The following SYCP2 variants were observed in gnomAD, a reference collection of about 807,000 sequenced individuals.
The protein encoded by SYCP2 is synaptonemal complex lateral element protein.
In SYCP2, 55 loss-of-function variants were observed where a neutral mutation model predicts 211.3. The observed-to-expected ratio is 0.26, with a 90% CI of 0.21 to 0.33. The LOEUF (loss-of-function observed/expected upper bound fraction) is 0.33, where lower values mean the gene tolerates loss of function less well. Among genes scored for constraint, SYCP2 ranks in the 10% least tolerant of loss-of-function variants. SYCP2 has a pLI of 1.00. For missense variants in SYCP2, 1,731 were observed against 1,752.0 expected (o/e 0.99, Z 0.21); for synonymous variants, 570 against 555.2 (o/e 1.03, Z -0.37).
intron 30 of SYCP2, 96 bp from the exon 31 acceptor site, chr20:59,880,567 A>C: frequency 1.4e-6 from 1 of 692,258 alleles, no homozygotes. Flanking sequence ...ACAAAAAAAA[A>C]CAAAACCCAA....
intron 44 of SYCP2, among the ~76,000 whole-genome samples, chr20:59,865,014 A>T (rs2059301103): frequency 1.3e-5 from 2 of 152,002 alleles, no homozygotes; most frequent in Non-Finnish European, 2.9e-5. Flanking sequence ...CCAAACAGAC[A>T]GTAATTCTTC....
chr20:59,907,212 G>A, intron 15 of SYCP2, 152 bp downstream of exon 15: 1 of 595,324 alleles, frequency 1.7e-6, no homozygotes, highest in Non-Finnish European at 3.0e-6. Context: ...AGGGAAACAT[G>A]GGATCAAGGT....
chr20:59,910,374 A>ATTATTTTT (rs2060294496), intron 14 of SYCP2, among the ~76,000 whole-genome samples: 1 of 76,262 alleles, frequency 1.3e-5, no homozygotes, highest in African/African-American at 5.9e-5. Context: ...GTAATTGCTT[A>ATTATTTTT]TTTTTTTTTT....
chr20:59,872,215 T>A (rs1484063284), intron 35 of SYCP2, among the ~76,000 whole-genome samples: 1 of 152,050 alleles, frequency 6.6e-6, no homozygotes, highest in Admixed American at 6.6e-5. Flanking sequence ...AAATATTAAA[T>A]GGAACATTCC....
At chr20:59,922,915 GGAGT>G (rs1369602079) in intron 2 of SYCP2, among the ~76,000 whole-genome samples, 1 of 151,876 alleles carries the variant, frequency 6.6e-6, no homozygotes, top group African/African-American at 2.4e-5. Flanking sequence ...TGCAAGGAAA[GGAGT>G]GAGGAAAAGA....
rs770960462 is a variant in SYCP2, at chr20:59,914,144, C to A, written c.742G>T (p.Ala248Ser). The change falls in exon 11 of 45, where the codon GCA becomes TCA. Residue 248 changes from alanine to serine, a missense_variant. By Grantham distance (99) the Ala-to-Ser change is moderately conservative (BLOSUM62 1). Around this residue, in one of 3 missense-constraint regions of SYCP2, gnomAD observed 335 missense variants for 378.8 expected, o/e 0.88. Coordinates refer to ENST00000357552, the MANE Select transcript of SYCP2 (RefSeq NM_014258.4). The part of the protein sequence containing the change: ...QWFSMDFIAK[A>S]FKRIKDSEFE... Reference sequence around the variant, plus strand: ...TCAGAGTCCTTAATTCTTTTAAATGCCTTAGCAATAAAATCCATTGAAAAC... The same window carrying A: ...TCAGAGTCCTTAATTCTTTTAAATGACTTAGCAATAAAATCCATTGAAAAC... 1.2e-6 allele frequency: 2 copies of A among 1,604,450 alleles called. No homozygotes were observed. The highest frequency in any genetic ancestry group is 2.7e-5 in the African/African-American group (2 of 74,692).
chr20:59,930,977 G>A (rs1268171516), intron 2 of SYCP2, among the ~76,000 whole-genome samples: 1 of 152,036 alleles, frequency 6.6e-6, no homozygotes, highest in Admixed American at 6.6e-5. Context: ...ATTATAACAT[G>A]ATTTTTAAAA....
intron 2 of SYCP2, among the ~76,000 whole-genome samples, chr20:59,931,650 C>T (rs2060743651): frequency 6.6e-6 from 1 of 152,130 alleles, no homozygotes; most frequent in African/African-American, 2.4e-5. Flanking sequence ...ACAAAATGCC[C>T]TGAGACATTA....
chr20:59,881,969 A>G lies in SYCP2; in HGVS notation c.2634T>C (p.Ala878=). Residue 878 remains alanine (A), a synonymous_variant, in exon 28 of 45, where the codon GCT becomes GCC. Transcript: ENST00000357552. ...NDVYNFNLNG[A]DDPIIKLGIQ... The stretch of plus-strand genomic sequence containing the variant: ...CTCCAAGTTTTATGATAGGGTCATC[A>G]GCTCCATTCAAATTAAAATTGTAAA... 1 of 1,612,920 alleles carries G rather than the reference A, an allele frequency of 6.2e-7. No individual in the cohort carries two copies. The highest frequency in any genetic ancestry group is 8.5e-7 in the Non-Finnish European group (1 of 1,179,372).
At chr20:59,922,547 T>G (rs906956229) in intron 2 of SYCP2, 88 bp from the exon 3 acceptor site, 11 of 560,678 alleles carry the variant, frequency 2.0e-5, no homozygotes, top group Non-Finnish European at 3.2e-5. Flanking sequence ...AAATATGCAT[T>G]TGTTATTTAT....
intron 2 of SYCP2, among the ~76,000 whole-genome samples, chr20:59,931,066 A>G (rs1323066990): frequency 6.6e-6 from 1 of 152,244 alleles, no homozygotes; most frequent in East Asian, 1.9e-4. Flanking sequence ...GTCCATCATC[A>G]GATATCCATA....
chr20:59,879,776 C>T (rs370180570), intron 31 of SYCP2, among the ~76,000 whole-genome samples: 9 of 138,716 alleles, frequency 6.5e-5, no homozygotes, highest in Non-Finnish European at 1.4e-4. Flanking sequence ...AAAAAGGATG[C>T]GTGTTGGGTG....
At position 59,906,942 on chromosome 20, in the gene SYCP2, T is replaced by C. The variant is rs144384429; in HGVS notation, c.1033+422A>G. 6.3e-4 allele frequency among the ~76,000 whole-genome samples: 96 copies of C among 152,160 alleles called. 2 individuals carry two copies. Among genetic ancestry groups the C allele is most frequent in the Non-Finnish European group, 1.2e-3 (79 of 67,930 alleles). On this transcript the variant is annotated intron_variant, in intron 15 of 44. Coordinates refer to ENST00000357552, the MANE Select transcript of SYCP2 (RefSeq NM_014258.4). ...ATTGGAAAAATGCAAATAAAAAACA[T>C]GAGATATTATTACATGTCTATTGAA...
chr20:59,894,262 A>G (rs1715086017), intron 20 of SYCP2, among the ~76,000 whole-genome samples: 1 of 151,978 alleles, frequency 6.6e-6, no homozygotes, highest in South Asian at 2.1e-4. Context: ...CATTATGGAA[A>G]TATGCAGGTG....
Position 59,864,246 on chromosome 20 carries a change from T to C in SYCP2, c.*65A>G, listed in dbSNP as rs373941256. 151 of 1,160,626 alleles carry C rather than the reference T, an allele frequency of 1.3e-4. No individual in the cohort carries two copies. In the East Asian group the frequency reaches 1.4e-3, roughly 11 times the overall value. The allele number at this position is 1,160,626 out of a possible 1,614,324, so 71.9% of individuals were successfully genotyped here. A position where few individuals can be genotyped will look rare whatever the true frequency, so the allele number is the denominator to read the frequency against. ...TATATTTTTCTCTTTGTAGGACTAT[T>C]CTTATTTCCTCAGTTATATACAGAG... On this transcript the variant is annotated 3_prime_UTR_variant, in exon 45 of 45. Transcript: ENST00000357552.
Position 59,880,429 on chromosome 20 carries a change from C to T in SYCP2, c.2815G>A (p.Glu939Lys). The T allele has an allele frequency of 6.3e-7, 1 of 1,594,716 alleles. No homozygotes were observed. The highest frequency in any genetic ancestry group is 8.6e-7 in the Non-Finnish European group (1 of 1,168,368). Residue 939 changes from glutamate (E) to lysine (K), a missense_variant, in exon 31 of 45, where the codon GAA (glutamate) becomes AAA (lysine). Physicochemically the swap from Glu to Lys is moderately conservative, Grantham distance 56. Transcript: ENST00000357552. ...HQKKNLFSDT[E>K]TEYRCDDSKT... ...CTGTCATCACATCTGTACTCTGTTT[C>T]AGTATCACTAAACAGATTTTTCTTT... is the stretch of plus-strand genomic sequence containing the variant.
intron 24 of SYCP2, among the ~76,000 whole-genome samples, chr20:59,888,808 G>A (rs1035542197): frequency 1.5e-4 from 23 of 151,976 alleles, no homozygotes; most frequent in African/African-American, 5.6e-4. Context: ...CAAATTACAA[G>A]GTTAATATAC....
In SYCP2 at chr20:59,877,453, G is replaced by T. The variant is rs898094574; in HGVS notation, c.3082C>A (p.Leu1028Ile). 1 of 1,605,078 alleles carries T rather than the reference G, an allele frequency of 6.2e-7. No homozygotes were observed. The highest frequency in any genetic ancestry group is 1.3e-5 in the African/African-American group (1 of 74,212). ...TCACACTCTGATTCTGAATTTGAGAGATCTTTATAGTTTTTTTTTGTTTTG... is the reference window on the plus strand; with the variant it reads ...TCACACTCTGATTCTGAATTTGAGATATCTTTATAGTTTTTTTTTGTTTTG... Reference protein sequence around the residue: ...ATKTKKNYKDLSNSESECEQE... With the variant: ...ATKTKKNYKDISNSESECEQE... The change falls in exon 33 of 45, where the codon CTC becomes ATC. Residue 1028 changes from leucine (L) to isoleucine (I), a missense_variant. Leu to Ile is a conservative substitution (Grantham distance 5). Around this residue, in one of 3 missense-constraint regions of SYCP2, gnomAD observed 1,387 missense variants for 1,351.3 expected, o/e 1.03. Transcript: ENST00000357552.
rs75713670 is a variant in SYCP2, at chr20:59,932,717, G to A, written c.-139-563C>T. 9.5e-3 allele frequency among the ~76,000 whole-genome samples: 1,450 copies of A among 152,242 alleles called. 30 individuals are homozygous for A. The highest frequency in any genetic ancestry group is 0.062 in the East Asian group (318 of 5,134). Reference sequence around the variant, plus strand: ...AAAAAACCACGCTGCCGTATTCGCAGATGCTCGGCCAGCCTGGAGCCCGGT... The same window carrying A: ...AAAAAACCACGCTGCCGTATTCGCAAATGCTCGGCCAGCCTGGAGCCCGGT... On this transcript the variant is annotated intron_variant, in intron 1 of 44. Coordinates refer to ENST00000357552, the MANE Select transcript of SYCP2 (RefSeq NM_014258.4).
Sources: gnomAD v4.1 joint callset for allele counts (sites outside exome capture counted in the v4.1 genomes callset) on GRCh38, gnomAD v4.1.1 for gene constraint, gnomAD v4.1.1 regional missense constraint, MANE v1.5 for transcripts, NCBI Gene and HGNC (gene_info 2026-07-23, HGNC 2026-07-21) for gene names.